TNR: variants seen among roughly 807,000 people sequenced by gnomAD.
TNR encodes the protein tenascin R, also known as tenascin-R.
TNR carries 45 observed loss-of-function variants against 150.4 expected under a neutral mutation model. The observed-to-expected ratio is 0.30, with a 90% CI of 0.24 to 0.38. TNR has a LOEUF of 0.38. Ranked by LOEUF, TNR falls within the 10% of genes least tolerant of loss-of-function variation. TNR has a pLI of 1.00. For synonymous variants in TNR, 687 were observed against 678.4 expected (o/e 1.01, Z -0.20); for missense variants, 1,544 against 1,759.1 (o/e 0.88, Z 2.19).
intron 2 of TNR, among the ~76,000 whole-genome samples, chr1:175,479,806 A>T (rs940520048): frequency 6.6e-6 from 1 of 152,068 alleles, no homozygotes; most frequent in Non-Finnish European, 1.5e-5. Context: ...AAAACCTCCC[A>T]GCTGCTGTGG....
At chr1:175,388,111 G>A (rs146690594) in intron 7 of TNR, among the ~76,000 whole-genome samples, 1 of 152,266 alleles carries the variant, frequency 6.6e-6, no homozygotes, top group East Asian at 1.9e-4. Flanking sequence ...ATTATGAAAT[G>A]GGGGAAGTGG....
At chr1:175,469,222 T>C (rs775191217) in intron 2 of TNR, among the ~76,000 whole-genome samples, 1 of 152,130 alleles carries the variant, frequency 6.6e-6, no homozygotes, top group Non-Finnish European at 1.5e-5. Flanking sequence ...CACCTTGTTC[T>C]CTGGATCCCA....
Position 175,406,267 on chromosome 1 carries a change from C to T in TNR, c.448G>A (p.Val150Met), listed in dbSNP as rs1653955954. The T allele has an allele frequency of 1.2e-6, 2 of 1,614,206 alleles. No homozygotes were observed. Among genetic ancestry groups the T allele is most frequent in the Non-Finnish European group, 8.5e-7 (1 of 1,180,040 alleles). ...TTGGCGTTGCACTGGTCTCGCAGCA[C>T]CGACACCTCCCTCTCCAGCATCTCG... ...RIEMLEREVSVLRDQCNANCC... is the reference protein window; with the variant it reads ...RIEMLEREVSMLRDQCNANCC... The change falls in exon 3 of 23, where the codon GTG becomes ATG. Residue 150 changes from valine (V) to methionine (M), a missense_variant. Coordinates refer to ENST00000367674, the MANE Select transcript of TNR (RefSeq NM_003285.3).
intron 2 of TNR, among the ~76,000 whole-genome samples, chr1:175,506,391 GT>G (rs1466125950): frequency 1.3e-5 from 2 of 152,160 alleles, no homozygotes; most frequent in African/African-American, 4.8e-5. Context: ...ACTAAATCGT[GT>G]CCCCCCAGAT....
chr1:175,327,879 A>C (rs908430828), intron 21 of TNR, among the ~76,000 whole-genome samples: 2 of 152,208 alleles, frequency 1.3e-5, no homozygotes, highest in African/African-American at 4.8e-5. Context: ...AGGCCGAGGC[A>C]GGTGGATCAC....
chr1:175,584,917 C>T (rs1174846830), intron 1 of TNR, among the ~76,000 whole-genome samples: 1 of 152,184 alleles, frequency 6.6e-6, no homozygotes, highest in Non-Finnish European at 1.5e-5. Context: ...AGGAAGGGCT[C>T]CAATTTCAGA....
intron 21 of TNR, among the ~76,000 whole-genome samples, chr1:175,326,343 C>T (rs556576948): frequency 5.3e-5 from 8 of 152,226 alleles, no homozygotes; most frequent in South Asian, 2.1e-4. Context: ...TTGTGTTAAG[C>T]GAGGAAAGAC....
intron 1 of TNR, among the ~76,000 whole-genome samples, chr1:175,676,551 A>ATTC (rs1365262697): frequency 4.6e-5 from 7 of 152,150 alleles, no homozygotes; most frequent in African/African-American, 1.4e-4. Context: ...AACAAAGGAC[A>ATTC]AGTCTCCCAA....
intron 1 of TNR, among the ~76,000 whole-genome samples, chr1:175,602,506 C>T (rs1663279577): frequency 6.6e-6 from 1 of 152,226 alleles, no homozygotes; most frequent in Non-Finnish European, 1.5e-5. Flanking sequence ...CTAAAACAAA[C>T]AGATGCATAC....
rs538333466 is a variant in TNR, at chr1:175,451,385, A to T, written c.-63-44608T>A. 7.3e-5 allele frequency among the ~76,000 whole-genome samples: 11 copies of T among 151,710 alleles called. 1 individual carries two copies. The highest frequency in any genetic ancestry group is 7.4e-5 in the Non-Finnish European group (5 of 67,932). On this transcript the variant is annotated intron_variant, in intron 2 of 22. Transcript: ENST00000367674. ...TCCCTTCCCCCTTCCCCCACCCCAC[A>T]ACAGGCCCTGGTGTGTGATGTTCCC... is the stretch of plus-strand genomic sequence containing the variant.
intron 4 of TNR, among the ~76,000 whole-genome samples, chr1:175,401,981 A>G (rs1199192021): frequency 1.3e-5 from 2 of 152,248 alleles, no homozygotes; most frequent in African/African-American, 2.4e-5. Context: ...GATGAGCTAT[A>G]GTGAAATAAT....
intron 1 of TNR, among the ~76,000 whole-genome samples, chr1:175,548,665 T>TAAAA (rs3032580): frequency 1.4e-5 from 2 of 146,336 alleles, no homozygotes. Flanking sequence ...TAAGCAAAAT[T>TAAAA]AAAAAAAAAA....
Position 175,637,640 on chromosome 1 carries a change from G to T in TNR, c.-165+105586C>A, listed in dbSNP as rs150735091. ...GTAATACATCTACATTTTCATGATA[G>T]GTTCATCTTAAGGGGCCAAAATAAT... On this transcript the variant is annotated intron_variant, in intron 1 of 22. Coordinates refer to ENST00000367674, the MANE Select transcript of TNR (RefSeq NM_003285.3). Among the ~76,000 whole-genome samples the T allele has an allele frequency of 1.4e-3, 218 of 152,274 alleles. 3 individuals are homozygous for T. The highest frequency in any genetic ancestry group is 5.0e-3 in the African/African-American group (209 of 41,548).
chr1:175,590,397 G>A (rs866349051), intron 1 of TNR, among the ~76,000 whole-genome samples: 11 of 151,934 alleles, frequency 7.2e-5, no homozygotes, highest in Non-Finnish European at 4.4e-5. Context: ...GCTGAGTTTT[G>A]TTGGTGTCCC....
At chr1:175,541,000 C>T (rs1303260706) in intron 1 of TNR, among the ~76,000 whole-genome samples, 1 of 152,142 alleles carries the variant, frequency 6.6e-6, no homozygotes, top group African/African-American at 2.4e-5. Flanking sequence ...TCTAACCATG[C>T]TTGACTGCAT....
Position 175,712,167 on chromosome 1 carries a change from C to T in TNR, c.-165+31059G>A, listed in dbSNP as rs543379904. Among the ~76,000 whole-genome samples the T allele has an allele frequency of 8.5e-5, 13 of 152,286 alleles. 1 individual carries two copies. Among genetic ancestry groups the T allele is most frequent in the African/African-American group, 3.1e-4 (13 of 41,556 alleles). On this transcript the variant is annotated intron_variant, in intron 1 of 22. Coordinates refer to ENST00000367674, the MANE Select transcript of TNR (RefSeq NM_003285.3). ...ATATTACCTCATTTGCTTCTCATAA[C>T]AACCCCATGAAGCAGCTACCAGAAT...
intron 2 of TNR, among the ~76,000 whole-genome samples, chr1:175,510,724 C>T (rs1477246995): frequency 6.6e-6 from 1 of 152,194 alleles, no homozygotes; most frequent in African/African-American, 2.4e-5. Context: ...TATTTCAAAG[C>T]AAGTTTATTC....
intron 2 of TNR, among the ~76,000 whole-genome samples, chr1:175,470,754 C>T (rs1038355224): frequency 4.6e-5 from 7 of 152,180 alleles, no homozygotes; most frequent in African/African-American, 1.7e-4. Flanking sequence ...TTCATTCCAG[C>T]CCTCCCTTGA....
intron 1 of TNR, among the ~76,000 whole-genome samples, chr1:175,554,250 C>A (rs1661061665): frequency 6.6e-6 from 1 of 151,300 alleles, no homozygotes; most frequent in Non-Finnish European, 1.5e-5. Context: ...AGATGGCACT[C>A]CTATCTCTAA....
Sources: allele counts gnomAD v4.1 joint callset (sites outside exome capture counted in the v4.1 genomes callset), GRCh38; gene constraint gnomAD v4.1.1; transcripts MANE v1.5; gene names NCBI Gene and HGNC (gene_info 2026-07-23, HGNC 2026-07-21).